Variants in NUTM2E observed in about 807,000 individuals in gnomAD.
The protein encoded by NUTM2E is family with sequence similarity 22, member E.
A neutral mutation model predicts 26.1 loss-of-function variants in NUTM2E; 3 were observed. The observed-to-expected ratio is 0.12, with a 90% CI of 0.05 to 0.30. The LOEUF (loss-of-function observed/expected upper bound fraction) is 0.30, where lower values mean the gene tolerates loss of function less well. Ranked by LOEUF, NUTM2E falls within the 10% of genes least tolerant of loss-of-function variation. The pLI is 1.00. For synonymous variants in NUTM2E, 13 were observed against 157.5 expected (o/e 0.08, Z 6.87); for missense variants, 62 against 381.3 (o/e 0.16, Z 6.97).
chr10:79,838,670 C>T (rs1479689887), intron 2 of NUTM2E, among the ~76,000 whole-genome samples, 84 bp downstream of exon 2: 1 of 151,710 alleles, frequency 6.6e-6, no homozygotes, highest in Non-Finnish European at 1.5e-5. Flanking sequence ...TTGAGCACAG[C>T]CACAGGCCTG....
At position 79,837,689 on chromosome 10, in the gene NUTM2E, C is replaced by G. The variant is rs1002708023; in HGVS notation, c.-2727-620C>G. ...TTATTTTCTATTAGCTGTTATCTAC[C>G]TGTTTATCCATTGATTGATTCATCA... On this transcript the variant is annotated intron_variant, in intron 1 of 9. Transcript: ENST00000429984. 3.9e-5 allele frequency among the ~76,000 whole-genome samples: 6 copies of G among 151,982 alleles called. No homozygotes were observed. In the South Asian group the frequency reaches 6.2e-4, roughly 16 times the overall value.
chr10:79,838,072 T>C (rs1355023195), intron 1 of NUTM2E, among the ~76,000 whole-genome samples: 1 of 151,552 alleles, frequency 6.6e-6, no homozygotes. Context: ...CTAGAATCTC[T>C]CTTCCACAAC....
chr10:79,835,447 T>C (rs1200013463), intron 1 of NUTM2E, among the ~76,000 whole-genome samples: 3 of 106,308 alleles, frequency 2.8e-5, no homozygotes, highest in Admixed American at 2.3e-4. Context: ...AATATTTGCA[T>C]GACTATTGGA....
At chr10:79,837,411 C>T (rs1327496143) in intron 1 of NUTM2E, among the ~76,000 whole-genome samples, 2 of 152,090 alleles carry the variant, frequency 1.3e-5, no homozygotes, top group Non-Finnish European at 2.9e-5. Context: ...GGGAAATAAT[C>T]AACTTTTTCA....
chr10:79,836,299 A>G (rs4562756), intron 1 of NUTM2E, among the ~76,000 whole-genome samples: 30,923 of 151,746 alleles, frequency 0.2, 4,275 homozygotes, highest in African/African-American at 0.37. Context: ...AAAACAAAAT[A>G]AGACAAACTT....
chr10:79,833,687 C>T (rs1173931103), intron 1 of NUTM2E, among the ~76,000 whole-genome samples: 2 of 151,632 alleles, frequency 1.3e-5, no homozygotes, highest in Non-Finnish European at 2.9e-5. Context: ...GTTAGAATGG[C>T]AATCATTAAA....
intron 1 of NUTM2E, among the ~76,000 whole-genome samples, chr10:79,835,522 G>A (rs1035372605): frequency 9.6e-6 from 1 of 104,206 alleles, no homozygotes; most frequent in Non-Finnish European, 2.0e-5. Context: ...TTTCTGCCAC[G>A]TCAGCAGTAG....
In NUTM2E at chr10:79,849,418, A is replaced by G. The variant is rs747341427; in HGVS notation, c.1782A>G (p.Pro594=). ...HPQFLEELLS[P]DPQMDFLALS... ...AATTCCTGGAAGAATTGCTTTCCCC[A>G]GATCCACAGATGGATTTCTTGGCCC... Residue 594 remains proline, a synonymous_variant, in exon 9 of 10, where the codon CCA becomes CCG. Coordinates refer to ENST00000429984, the MANE Select transcript of NUTM2E (RefSeq NM_001355263.2). The G allele has an allele frequency of 1.7e-6, 1 of 595,364 alleles. No individual in the cohort carries two copies. The highest frequency in any genetic ancestry group is 2.6e-6 in the Non-Finnish European group (1 of 390,458). The allele number at this position is 595,364 out of a possible 1,614,324, so 36.9% of individuals were successfully genotyped here. A position where few individuals can be genotyped will look rare whatever the true frequency, so the allele number is the denominator to read the frequency against.
chr10:79,827,784 G>GGT (rs1841896127), intron 1 of NUTM2E, among the ~76,000 whole-genome samples: 1 of 102,882 alleles, frequency 9.7e-6, no homozygotes, highest in Non-Finnish European at 2.0e-5. Flanking sequence ...TTATTTAGTG[G>GGT]TTTTTTTTTT....
At position 79,849,103 on chromosome 10, in the gene NUTM2E, G is replaced by C. The variant is rs914804401; in HGVS notation, c.1734+208G>C. Among the ~76,000 whole-genome samples the C allele has an allele frequency of 1.9e-5, 2 of 105,996 alleles. 1 individual carries two copies. The highest frequency in any genetic ancestry group is 4.8e-5 in the Non-Finnish European group (2 of 41,832). The allele number at this position is 105,996 out of a possible 152,430, so 69.5% of individuals were successfully genotyped here. ...GTGTGTCTGTGTAGGTGTGAGTGTG[G>C]AGTGTGTACGTTACCTGTGTCTGTG... On this transcript the variant is annotated intron_variant, in intron 8 of 9. Transcript: ENST00000429984.
chr10:79,837,872 A>G (rs1841973740), intron 1 of NUTM2E, among the ~76,000 whole-genome samples: 1 of 151,904 alleles, frequency 6.6e-6, no homozygotes. Context: ...GCCTTCAAGG[A>G]GCACAGCGTC....
At position 79,838,936 on chromosome 10, in the gene NUTM2E, C is replaced by T. The variant is rs1485850922; in HGVS notation, c.-2293C>T. 6.7e-6 allele frequency among the ~76,000 whole-genome samples: 1 copy of T among 148,896 alleles called. No individual in the cohort carries two copies. The highest frequency in any genetic ancestry group is 1.5e-5 in the Non-Finnish European group (1 of 66,970). On this transcript the variant is annotated 5_prime_UTR_variant, in exon 3 of 10. Coordinates refer to ENST00000429984, the MANE Select transcript of NUTM2E (RefSeq NM_001355263.2). ...TGGAACCTCGCCCGCCTCAAGGCTC[C>T]TGCGGCGGCGCACAGGGCAGGCCAG...
rs2475687 is a variant in NUTM2E at position 79,835,272 on chromosome 10, G to C, written c.-2727-3037G>C. ...GTGATTTTGGTTGCTTAAATAATCC[G>C]GACTCTAGTCTCCTCAATTATAAAA... On this transcript the variant is annotated intron_variant, in intron 1 of 9. Transcript: ENST00000429984. 3.3e-5 allele frequency among the ~76,000 whole-genome samples: 5 copies of C among 150,530 alleles called. No individual in the cohort carries two copies. In the East Asian group the frequency reaches 9.8e-4, roughly 29 times the overall value.
intron 5 of NUTM2E, among the ~76,000 whole-genome samples, chr10:79,845,540 G>A (rs1297228179): frequency 9.3e-6 from 1 of 107,702 alleles, no homozygotes; most frequent in African/African-American, 2.9e-5. Context: ...TTACATGACA[G>A]CAGTTACGAT....
At chr10:79,829,281 A>G (rs1841911405) in intron 1 of NUTM2E, among the ~76,000 whole-genome samples, 1 of 151,510 alleles carries the variant, frequency 6.6e-6, no homozygotes, top group African/African-American at 2.4e-5. Flanking sequence ...GGTAAAAATA[A>G]CAATGAGAGC....
At chr10:79,845,125 CAAT>C (rs1437406661) in intron 5 of NUTM2E, among the ~76,000 whole-genome samples, 1 of 113,504 alleles carries the variant, frequency 8.8e-6, no homozygotes, top group African/African-American at 2.7e-5. Flanking sequence ...ATTTTCACAA[CAAT>C]GTTTACAGAA....
chr10:79,833,180 A>T (rs1261133146), intron 1 of NUTM2E, among the ~76,000 whole-genome samples: 1 of 152,020 alleles, frequency 6.6e-6, no homozygotes, highest in East Asian at 1.9e-4. Context: ...ACAGTCCCCA[A>T]AAAGCAATTA....
At chr10:79,834,475 C>T (rs1387788945) in intron 1 of NUTM2E, among the ~76,000 whole-genome samples, 1 of 151,442 alleles carries the variant, frequency 6.6e-6, no homozygotes, top group Non-Finnish European at 1.5e-5. Context: ...CCGAGGCAGG[C>T]GGATCACCTG....
chr10:79,833,371 TTAAAC>T (rs1589306683), intron 1 of NUTM2E, among the ~76,000 whole-genome samples: 1 of 151,288 alleles, frequency 6.6e-6, no homozygotes, highest in Non-Finnish European at 1.5e-5. Context: ...TGGGATCTAA[TTAAAC>T]TAAAGAGCTT....
Sources: gnomAD v4.1 joint callset for allele counts (sites outside exome capture counted in the v4.1 genomes callset) on GRCh38, gnomAD v4.1.1 for gene constraint, MANE v1.5 for transcripts, NCBI Gene and HGNC (gene_info 2026-07-23, HGNC 2026-07-21) for gene names.